CAPN2: variants seen among roughly 807,000 people sequenced by gnomAD.
CAPN2 encodes calpain 2.
In CAPN2, 92 loss-of-function variants were observed where a neutral mutation model predicts 102.3. That is an observed-to-expected ratio of 0.90 (90% CI 0.76 to 1.07). The LOEUF is 1.07. Ranked by LOEUF, CAPN2 falls within the 50% of genes least tolerant of loss-of-function variation. The pLI is 0.00. For synonymous variants in CAPN2, 340 were observed against 355.4 expected (o/e 0.96, Z 0.49); for missense variants, 800 against 909.4 (o/e 0.88, Z 1.55).
intron 19 of CAPN2, 60 bp from the exon 20 acceptor site, chr1:223,772,121 G>A: frequency 6.7e-7 from 1 of 1,494,848 alleles, no homozygotes; most frequent in East Asian, 2.3e-5. Context: ...ACTGAAAAGA[G>A]GATAATGTGA....
At chr1:223,702,387 A>G (rs1659506458) in intron 1 of CAPN2, among the ~76,000 whole-genome samples, 1 of 152,086 alleles carries the variant, frequency 6.6e-6, no homozygotes, top group African/African-American at 2.4e-5. Context: ...AGATCGCACC[A>G]CTGCACTCCA....
intron 16 of CAPN2, among the ~76,000 whole-genome samples, chr1:223,769,529 TA>T (rs751883768): frequency 9.9e-4 from 150 of 152,196 alleles, no homozygotes; most frequent in Non-Finnish European, 1.8e-3. Flanking sequence ...AGCAAGGGCC[TA>T]GCCACTAGAA....
chr1:223,766,300 T>C, intron 15 of CAPN2, 67 bp from the exon 16 acceptor site: 4 of 1,142,540 alleles, frequency 3.5e-6, no homozygotes, highest in East Asian at 2.3e-5. Context: ...ATCTCCATGA[T>C]TGTGGAAAGT....
Position 223,759,556 on chromosome 1 carries a change from G to A in CAPN2, c.1529+75G>A, listed in dbSNP as rs2102809514. ...CTGGTCTGTTCCTCGGCCCCTAGAG[G>A]GCTCTTTCATCCTCTGAATGTCAGT... On this transcript the variant is annotated intron_variant, in intron 12 of 20. Transcript: ENST00000295006. The surrounding 1 kb of genome is among the most constrained non-coding windows in gnomAD (Gnocchi z 4.6). The A allele has an allele frequency of 1.6e-6, 2 of 1,252,902 alleles. No homozygotes were observed. The highest frequency in any genetic ancestry group is 2.3e-5 in the East Asian group (1 of 42,620). 77.6% of individuals were successfully genotyped at this position (1,252,902 alleles called of 1,614,324 possible). A position where few individuals can be genotyped will look rare whatever the true frequency, so the allele number is the denominator to read the frequency against.
At position 223,759,266 on chromosome 1, in the gene CAPN2, T is replaced by G; in HGVS notation, c.1318-4T>G. ...ACCCCCATGTTTCTCTATTTATTCCTCAGTTAAGTGGGCAGACCAACATCC... is the reference window on the plus strand; with the variant it reads ...ACCCCCATGTTTCTCTATTTATTCCGCAGTTAAGTGGGCAGACCAACATCC... On this transcript the variant is annotated splice_region_variant and splice_polypyrimidine_tract_variant and intron_variant, in intron 11 of 20. Coordinates refer to ENST00000295006, the MANE Select transcript of CAPN2 (RefSeq NM_001748.5). This position sits in a 1 kb window ranked among gnomAD's most constrained non-coding sequence, Gnocchi z 4.6. 6.2e-7 allele frequency: 1 copy of G among 1,613,528 alleles called. No individual in the cohort carries two copies.
In CAPN2 at chr1:223,746,984, TC is replaced by T. The variant is rs779819965; in HGVS notation, c.561-9del. 3.1e-6 allele frequency: 5 copies of T among 1,610,274 alleles called. No homozygotes were observed. The highest frequency in any genetic ancestry group is 4.2e-6 in the Non-Finnish European group (5 of 1,177,564). On this transcript the variant is annotated splice_polypyrimidine_tract_variant and intron_variant, in intron 4 of 20. Transcript: ENST00000295006. ...TGTCAAGGGTAGCGGCAGCGTCTAATCCCCTCTTGTAGGATCAACGGATGCT... is the reference window on the plus strand; with the variant it reads ...TGTCAAGGGTAGCGGCAGCGTCTAATCCCTCTTGTAGGATCAACGGATGCT...
At position 223,744,220 on chromosome 1, in the gene CAPN2, T is replaced by A. The variant is rs761839455; in HGVS notation, c.426+2T>A. The A allele has an allele frequency of 1.1e-5, 17 of 1,593,504 alleles. No individual in the cohort carries two copies. The highest frequency in any genetic ancestry group is 1.5e-5 in the Non-Finnish European group (17 of 1,161,244). Reference sequence around the variant, plus strand: ...TATGCAGGGATCTTTCACTTCCAGGTAACTTAATGGTTGGCTCAGGTGGTT... The same window carrying A: ...TATGCAGGGATCTTTCACTTCCAGGAAACTTAATGGTTGGCTCAGGTGGTT... On this transcript the variant is annotated splice_donor_variant, in intron 3 of 20. Coordinates refer to ENST00000295006, the MANE Select transcript of CAPN2 (RefSeq NM_001748.5). LOFTEE classifies it high-confidence loss of function.
intron 2 of CAPN2, among the ~76,000 whole-genome samples, 158 bp downstream of exon 2, chr1:223,717,989 G>T (rs1227228662): frequency 6.6e-6 from 1 of 152,248 alleles, no homozygotes; most frequent in African/African-American, 2.4e-5. Flanking sequence ...AGCGGGCAAT[G>T]ATTCTACCCT....
chr1:223,741,435 A>AGT (rs1382515776), intron 2 of CAPN2, among the ~76,000 whole-genome samples: 1 of 40,592 alleles, frequency 2.5e-5, no homozygotes, highest in Non-Finnish European at 3.8e-5. Flanking sequence ...ATATATATAT[A>AGT]ATGTGTATAT....
intron 1 of CAPN2, among the ~76,000 whole-genome samples, chr1:223,716,468 A>G (rs1659876004): frequency 6.6e-6 from 1 of 152,140 alleles, no homozygotes; most frequent in Non-Finnish European, 1.5e-5. Flanking sequence ...TGCCATCCCC[A>G]AAACTGACAG....
intron 1 of CAPN2, among the ~76,000 whole-genome samples, chr1:223,715,869 A>T (rs1205372125): frequency 6.6e-6 from 1 of 152,220 alleles, no homozygotes; most frequent in Non-Finnish European, 1.5e-5. Flanking sequence ...CTTCAACAGT[A>T]ATAATAATAG....
At position 223,756,045 on chromosome 1, in the gene CAPN2, G is replaced by A. The variant is rs1441622276; in HGVS notation, c.1305+396G>A. Among the ~76,000 whole-genome samples, 3 of 152,256 alleles carry A rather than the reference G, an allele frequency of 2.0e-5. No individual in the cohort carries two copies. Among genetic ancestry groups the A allele is most frequent in the Non-Finnish European group, 2.9e-5 (2 of 68,050 alleles). ...GAGTCCATGGGTGCAGCTGCTCAGA[G>A]CTCGGCAAAGTCATTGGCCTGGATG... is the stretch of plus-strand genomic sequence containing the variant. On this transcript the variant is annotated intron_variant, in intron 10 of 20. Transcript: ENST00000295006. This position sits in a 1 kb window ranked among gnomAD's most constrained non-coding sequence, Gnocchi z 4.1.
chr1:223,727,505 A>T lies in CAPN2; in HGVS notation c.307+9674A>T, dbSNP rs1660229182. 6.6e-6 allele frequency among the ~76,000 whole-genome samples: 1 copy of T among 152,056 alleles called. No homozygotes were observed. The highest frequency in any genetic ancestry group is 2.4e-5 in the African/African-American group (1 of 41,404). ...GAGAACCACTGGCAGAGCAGGAGTG[A>T]AGGGGGAGGTACTGTGGGGGTCACT... is the stretch of plus-strand genomic sequence containing the variant. On this transcript the variant is annotated intron_variant, in intron 2 of 20. Coordinates refer to ENST00000295006, the MANE Select transcript of CAPN2 (RefSeq NM_001748.5). The surrounding 1 kb of genome is among the most constrained non-coding windows in gnomAD (Gnocchi z 4.1).
At chr1:223,751,972 C>T (rs1200078407) in intron 7 of CAPN2, 25 bp from the exon 8 acceptor site, 1 of 1,520,512 alleles carries the variant, frequency 6.6e-7, no homozygotes, top group East Asian at 2.3e-5. Flanking sequence ...TACACTAACG[C>T]CTCTCTCTTT....
chr1:223,758,828 G>C, intron 11 of CAPN2: 1 of 240,792 alleles, frequency 4.2e-6, no homozygotes, highest in South Asian at 5.6e-5. Context: ...GAGTAGCTGA[G>C]ACTACAGGCG....
intron 14 of CAPN2, among the ~76,000 whole-genome samples, chr1:223,763,100 GGT>G (rs1558076858): frequency 6.6e-6 from 1 of 151,690 alleles, no homozygotes; most frequent in African/African-American, 2.4e-5. Flanking sequence ...TGGAATTACG[GGT>G]GTGAGCCACC....
At chr1:223,705,452 G>T (rs1273189624) in intron 1 of CAPN2, among the ~76,000 whole-genome samples, 1 of 152,160 alleles carries the variant, frequency 6.6e-6, no homozygotes, top group African/African-American at 2.4e-5. Context: ...ATATATCTGG[G>T]CAGTTCTAGA....
chr1:223,770,455 C>G lies in CAPN2; in HGVS notation c.1833C>G (p.Tyr611Ter). 6.2e-7 allele frequency: 1 copy of G among 1,612,980 alleles called. No individual in the cohort carries two copies. The highest frequency in any genetic ancestry group is 1.1e-5 in the South Asian group (1 of 90,972). ...TAACTTATGTGTTCCAGAAAATTTA[C>G]CGAGAAATCGACGTTGACAGGTCTG... ...WTKIQKYQKI[Y>*]REIDVDRSGT... The change falls in exon 18 of 21, where the codon TAC becomes TAG. Residue 611 changes from tyrosine (Y) to a stop codon, truncating the protein, a stop_gained. Coordinates refer to ENST00000295006, the MANE Select transcript of CAPN2 (RefSeq NM_001748.5). LOFTEE classifies it high-confidence loss of function.
intron 1 of CAPN2, among the ~76,000 whole-genome samples, chr1:223,705,337 C>T (rs1411473452): frequency 2.0e-5 from 3 of 152,118 alleles, no homozygotes; most frequent in African/African-American, 7.2e-5. Flanking sequence ...TGGTTTCTGC[C>T]CCAGAGATGT....
Sources: gnomAD v4.1 joint callset for allele counts (sites outside exome capture counted in the v4.1 genomes callset) on GRCh38, gnomAD v4.1.1 for gene constraint, Gnocchi (gnomAD v3.1) non-coding constraint, MANE v1.5 for transcripts, NCBI Gene and HGNC (gene_info 2026-07-23, HGNC 2026-07-21) for gene names.